Variants in SNTG1 observed in about 807,000 individuals in gnomAD.
The protein encoded by SNTG1 is syntrophin gamma 1, also known as gamma-1-syntrophin.
SNTG1 carries 39 observed loss-of-function variants against 74.7 expected under a neutral mutation model. The observed-to-expected ratio is 0.52, with a 90% CI of 0.40 to 0.68. The LOEUF (loss-of-function observed/expected upper bound fraction) is 0.68, where lower values mean the gene tolerates loss of function less well. Among genes scored for constraint, SNTG1 ranks in the 30% least tolerant of loss-of-function variants. The pLI is 0.00. For synonymous variants in SNTG1, 254 were observed against 217.1 expected, an observed-to-expected ratio of 1.17 and a Z score of -1.49; for missense variants, 685 against 609.5, an observed-to-expected ratio of 1.12 and a Z score of -1.30.
At chr8:50,723,014 A>T (rs1268338187) in intron 17 of SNTG1, among the ~76,000 whole-genome samples, 2 of 152,110 alleles carry the variant, frequency 1.3e-5, no homozygotes, top group African/African-American at 2.4e-5. Flanking sequence ...CTTGCATTTC[A>T]TGGGAAAAAG....
At chr8:50,464,906 A>G (rs973423569) in intron 8 of SNTG1, among the ~76,000 whole-genome samples, 3 of 151,966 alleles carry the variant, frequency 2.0e-5, no homozygotes, top group Non-Finnish European at 2.9e-5. Flanking sequence ...TATTGTGAAA[A>G]TTACCAAACT....
intron 1 of SNTG1, among the ~76,000 whole-genome samples, chr8:50,136,453 T>C (rs554155275): frequency 6.6e-6 from 1 of 152,312 alleles, no homozygotes; most frequent in East Asian, 1.9e-4. Flanking sequence ...CCATTCTGAC[T>C]GGTGTGAGAT....
chr8:50,449,637 A>G (rs1430111772), intron 5 of SNTG1, 31 bp from the exon 6 acceptor site: 1 of 1,529,688 alleles, frequency 6.5e-7, no homozygotes. Flanking sequence ...TTTTAGATTA[A>G]AAAGTACAAT....
chr8:50,086,571 G>T (rs1160552168), intron 1 of SNTG1, among the ~76,000 whole-genome samples: 3 of 152,068 alleles, frequency 2.0e-5, no homozygotes, highest in Admixed American at 6.6e-5. Flanking sequence ...ATAGAGATAG[G>T]AAATACCAGG....
At chr8:50,364,100 A>G (rs775062991) in intron 2 of SNTG1, among the ~76,000 whole-genome samples, 2 of 152,066 alleles carry the variant, frequency 1.3e-5, no homozygotes, top group Non-Finnish European at 2.9e-5. Context: ...TACATAGACA[A>G]TAGATCATAT....
chr8:50,546,119 A>C (rs764200563), intron 11 of SNTG1, among the ~76,000 whole-genome samples: 11 of 152,144 alleles, frequency 7.2e-5, no homozygotes, highest in Non-Finnish European at 1.3e-4. Flanking sequence ...TCAGGGTTTT[A>C]AGGAGAAGAA....
chr8:50,635,209 C>T (rs1301365243), intron 13 of SNTG1, among the ~76,000 whole-genome samples: 1 of 152,114 alleles, frequency 6.6e-6, no homozygotes, highest in East Asian at 1.9e-4. Flanking sequence ...AAGCACTGCC[C>T]CTGGGACTCA....
chr8:50,650,924 C>G (rs912021579), intron 13 of SNTG1, among the ~76,000 whole-genome samples: 3 of 152,142 alleles, frequency 2.0e-5, no homozygotes, highest in African/African-American at 7.2e-5. Flanking sequence ...TGGTCTCGAA[C>G]TCTTGACCTC....
At chr8:50,207,105 C>T (rs983073982) in intron 2 of SNTG1, among the ~76,000 whole-genome samples, 6 of 152,130 alleles carry the variant, frequency 3.9e-5, no homozygotes, top group Non-Finnish European at 7.4e-5. Context: ...AGGATTCCCT[C>T]TTTTTCTATT....
intron 1 of SNTG1, among the ~76,000 whole-genome samples, chr8:49,958,386 C>A (rs1472638923): frequency 2.0e-5 from 3 of 151,838 alleles, no homozygotes; most frequent in African/African-American, 7.3e-5. Flanking sequence ...TCCTACAATT[C>A]CAGGAGTGAG....
chr8:50,084,503 T>G (rs1312363357), intron 1 of SNTG1, among the ~76,000 whole-genome samples: 1 of 152,166 alleles, frequency 6.6e-6, no homozygotes, highest in African/African-American at 2.4e-5. Context: ...ACTAATTTTT[T>G]GACTAAAATT....
intron 1 of SNTG1, among the ~76,000 whole-genome samples, chr8:50,167,052 C>T (rs1465562694): frequency 1.5e-5 from 2 of 135,354 alleles, no homozygotes; most frequent in African/African-American, 6.0e-5. Context: ...TATTCTCACT[C>T]ATAGGTGGGA....
intron 1 of SNTG1, among the ~76,000 whole-genome samples, chr8:49,985,707 A>C (rs1016956066): frequency 6.6e-6 from 1 of 152,164 alleles, no homozygotes. Context: ...ACTGCAAATA[A>C]CTCAGCAGAA....
At chr8:50,263,308 T>A (rs2087290756) in intron 2 of SNTG1, among the ~76,000 whole-genome samples, 1 of 151,646 alleles carries the variant, frequency 6.6e-6, no homozygotes, top group African/African-American at 2.4e-5. Flanking sequence ...AGACATGGAG[T>A]ACAAAAGGAA....
chr8:49,929,573 G>A (rs1371117265), intron 1 of SNTG1, among the ~76,000 whole-genome samples: 1 of 152,190 alleles, frequency 6.6e-6, no homozygotes, highest in Non-Finnish European at 1.5e-5. Flanking sequence ...ACGCACCTGG[G>A]GGGCTGCCCC....
chr8:49,970,683 C>A (rs939086405), intron 1 of SNTG1, among the ~76,000 whole-genome samples: 12 of 152,210 alleles, frequency 7.9e-5, no homozygotes, highest in African/African-American at 2.2e-4. Context: ...ATTCGCATGT[C>A]TCTAGAGAAG....
intron 2 of SNTG1, among the ~76,000 whole-genome samples, chr8:50,280,342 A>G (rs1305313326): frequency 5.3e-5 from 8 of 152,206 alleles, no homozygotes. Context: ...AAATTTCTAG[A>G]TGTGGGTTGG....
chr8:50,633,628 G>A (rs1437544231), intron 13 of SNTG1, among the ~76,000 whole-genome samples: 1 of 152,186 alleles, frequency 6.6e-6, no homozygotes, highest in African/African-American at 2.4e-5. Flanking sequence ...GAATATGAAT[G>A]TTGAGGTGGG....
intron 1 of SNTG1, among the ~76,000 whole-genome samples, chr8:49,919,958 A>T (rs908913079): frequency 2.0e-5 from 3 of 152,120 alleles, no homozygotes; most frequent in African/African-American, 7.2e-5. Flanking sequence ...GCGCACACTT[A>T]GAGTCAAAGT....
Sources: allele counts gnomAD v4.1 joint callset (sites outside exome capture counted in the v4.1 genomes callset), GRCh38; gene constraint gnomAD v4.1.1; transcripts MANE v1.5; gene names NCBI Gene and HGNC (gene_info 2026-07-23, HGNC 2026-07-21).